YPEL2: variants seen among roughly 807,000 people sequenced by gnomAD.
The protein encoded by YPEL2 is protein yippee-like 2.
A neutral mutation model predicts 19.1 loss-of-function variants in YPEL2; 2 were observed. That is an observed-to-expected ratio of 0.10 (90% CI 0.04 to 0.33). YPEL2 has a LOEUF of 0.33. YPEL2 is among the 10% of genes least tolerant of loss of function. The probability of loss-of-function intolerance (pLI) is 1.00; values close to 1 mark genes in which losing one functional copy is unlikely to be tolerated. For synonymous variants in YPEL2, 52 were observed against 50.0 expected (o/e 1.04, Z -0.17); for missense variants, 66 against 140.7 (o/e 0.47, Z 2.68).
chr17:59,349,045 G>A (rs1011539953), intron 1 of YPEL2, among the ~76,000 whole-genome samples: 72 of 151,288 alleles, frequency 4.8e-4, no homozygotes, highest in Non-Finnish European at 1.8e-4. Flanking sequence ...GTAGTGGCGG[G>A]CGCCTGTAGT....
intron 1 of YPEL2, among the ~76,000 whole-genome samples, chr17:59,348,998 C>T (rs1202862294): frequency 1.3e-5 from 2 of 151,932 alleles, no homozygotes; most frequent in Non-Finnish European, 2.9e-5. Context: ...CACGGTGAAA[C>T]CCCGTCTCTA....
At chr17:59,384,463 G>T (rs2047970425) in intron 2 of YPEL2, among the ~76,000 whole-genome samples, 1 of 152,018 alleles carries the variant, frequency 6.6e-6, no homozygotes, top group African/African-American at 2.4e-5. Flanking sequence ...AATAAGATTG[G>T]CCTTATTCAC....
At chr17:59,377,460 T>C (rs1387661772) in intron 2 of YPEL2, among the ~76,000 whole-genome samples, 1 of 152,196 alleles carries the variant, frequency 6.6e-6, no homozygotes, top group East Asian at 1.9e-4. Flanking sequence ...ACAGACCTGG[T>C]GAGGATGGCA....
chr17:59,338,485 T>C (rs902239997), intron 1 of YPEL2, among the ~76,000 whole-genome samples: 1 of 152,208 alleles, frequency 6.6e-6, no homozygotes, highest in Non-Finnish European at 1.5e-5. Flanking sequence ...CCATCAGGAA[T>C]ATTTTGATCC....
chr17:59,339,122 CCCCAA>C (rs2047714441), intron 1 of YPEL2, among the ~76,000 whole-genome samples: 1 of 119,230 alleles, frequency 8.4e-6, no homozygotes, highest in Non-Finnish European at 1.9e-5. Flanking sequence ...CCCACCCCCA[CCCCAA>C]CGCCTTGTTT....
intron 2 of YPEL2, chr17:59,354,220 T>C (rs539909547): frequency 9.2e-5 from 14 of 152,716 alleles, no homozygotes; most frequent in African/African-American, 3.4e-4. Flanking sequence ...CAGGGAGCGT[T>C]CTCAGGGGAA....
intron 2 of YPEL2, among the ~76,000 whole-genome samples, chr17:59,362,154 G>C (rs1036254291): frequency 6.6e-6 from 1 of 152,162 alleles, no homozygotes; most frequent in Non-Finnish European, 1.5e-5. Context: ...ACTAGAATGG[G>C]GCAAGTGGTG....
At chr17:59,355,909 G>A (rs551060369) in intron 2 of YPEL2, 15 of 152,290 alleles carry the variant, frequency 9.8e-5, no homozygotes, top group African/African-American at 3.6e-4. Flanking sequence ...TAAAGGGTTG[G>A]GTGAAATGCC....
intron 1 of YPEL2, among the ~76,000 whole-genome samples, chr17:59,332,862 C>G (rs571634809): frequency 7.8e-4 from 119 of 152,286 alleles, no homozygotes; most frequent in Non-Finnish European, 1.4e-3. Context: ...ATTTGCTGTC[C>G]TTGCAACTTG....
At chr17:59,370,631 G>C (rs1161444836) in intron 2 of YPEL2, among the ~76,000 whole-genome samples, 1 of 152,114 alleles carries the variant, frequency 6.6e-6, no homozygotes, top group Non-Finnish European at 1.5e-5. Context: ...GAAATCTCCA[G>C]GTAACCCCCT....
At chr17:59,338,792 C>T (rs2047712440) in intron 1 of YPEL2, among the ~76,000 whole-genome samples, 1 of 152,202 alleles carries the variant, frequency 6.6e-6, no homozygotes, top group Non-Finnish European at 1.5e-5. Context: ...GAGGCTATCT[C>T]TAGGGATTCT....
chr17:59,386,271 G>A (rs1719012765), intron 2 of YPEL2, among the ~76,000 whole-genome samples: 1 of 151,726 alleles, frequency 6.6e-6, no homozygotes, highest in South Asian at 2.1e-4. Context: ...AGGCTACAGT[G>A]AGTCATGGTC....
chr17:59,394,803 A>T (rs1373792836), intron 4 of YPEL2, among the ~76,000 whole-genome samples: 1 of 152,216 alleles, frequency 6.6e-6, no homozygotes, highest in East Asian at 1.9e-4. Flanking sequence ...GGCACCATTG[A>T]GCACTGAGTG....
chr17:59,381,693 A>G (rs902402524), intron 2 of YPEL2, among the ~76,000 whole-genome samples: 4 of 152,166 alleles, frequency 2.6e-5, no homozygotes, highest in African/African-American at 9.7e-5. Context: ...GCCTGGAACT[A>G]TTACTTTACT....
In YPEL2 at chr17:59,349,042, C is replaced by T. The variant is rs532971609; in HGVS notation, c.-195-4173C>T. Among the ~76,000 whole-genome samples, 478 of 151,526 alleles carry T rather than the reference C, an allele frequency of 3.2e-3. 2 individuals are homozygous for T. The highest frequency in any genetic ancestry group is 5.7e-3 in the Admixed American group (87 of 15,246). On this transcript the variant is annotated intron_variant, in intron 1 of 4. Coordinates refer to ENST00000312655, the MANE Select transcript of YPEL2 (RefSeq NM_001005404.4). Reference sequence around the variant, plus strand: ...ACAAAAAGTTAGCCGGGCGTAGTGGCGGGCGCCTGTAGTCCCAGCTACTCG... The same window carrying T: ...ACAAAAAGTTAGCCGGGCGTAGTGGTGGGCGCCTGTAGTCCCAGCTACTCG...
At chr17:59,380,313 G>T (rs1281888253) in intron 2 of YPEL2, among the ~76,000 whole-genome samples, 1 of 122,388 alleles carries the variant, frequency 8.2e-6, no homozygotes, top group African/African-American at 3.2e-5. Context: ...GTCTCGCTGT[G>T]TCTCCCAGGC....
At chr17:59,388,975 G>T (rs2047994731) in intron 3 of YPEL2, 3 of 276,692 alleles carry the variant, frequency 1.1e-5, no homozygotes, top group Non-Finnish European at 2.1e-5. Flanking sequence ...GTGCTATCAT[G>T]TGTGGCATCT....
At chr17:59,335,827 G>A (rs1011234134) in intron 1 of YPEL2, among the ~76,000 whole-genome samples, 1 of 152,150 alleles carries the variant, frequency 6.6e-6, no homozygotes, top group African/African-American at 2.4e-5. Flanking sequence ...TGGGATTACA[G>A]GCATAAGCCA....
rs145518461 is a variant in YPEL2 at position 59,359,609 on chromosome 17, T to A, written c.117+6083T>A. Among the ~76,000 whole-genome samples, 705 of 152,358 alleles carry A rather than the reference T, an allele frequency of 4.6e-3. 6 individuals carry two copies. The highest frequency in any genetic ancestry group is 0.016 in the African/African-American group (668 of 41,588). On this transcript the variant is annotated intron_variant, in intron 2 of 4. Transcript: ENST00000312655. ...TTTGCAAAATAGGTATTTTTAGCCC[T>A]AATTTTGTTAATTGAACTCTAATTT...
Sources: allele counts gnomAD v4.1 joint callset (sites outside exome capture counted in the v4.1 genomes callset), GRCh38; gene constraint gnomAD v4.1.1; transcripts MANE v1.5; gene names NCBI Gene and HGNC (gene_info 2026-07-23, HGNC 2026-07-21).